Variants in TNKS2 observed in about 807,000 individuals in gnomAD.
The protein encoded by TNKS2 is poly [ADP-ribose] polymerase tankyrase-2.
A neutral mutation model predicts 137.6 loss-of-function variants in TNKS2; 72 were observed. The ratio of observed to expected loss-of-function variants is 0.52; its 90% CI spans 0.43 to 0.64. TNKS2 has a LOEUF of 0.64. Among genes scored for constraint, TNKS2 ranks in the 30% least tolerant of loss-of-function variants. The pLI is 0.00. For missense variants in TNKS2, 1,049 were observed against 1,410.2 expected, an observed-to-expected ratio of 0.74 and a Z score of 4.10; for synonymous variants, 516 against 512.1, an observed-to-expected ratio of 1.01 and a Z score of -0.10.
In TNKS2 at chr10:91,842,072, T is replaced by G. The variant is rs558905758; in HGVS notation, c.1840-100T>G. Reference sequence around the variant, plus strand: ...CTTCAAAGTAGAGTCTCAATATAAATTTAGTTTTTCTTTGGTATAGTTAAC... The same window carrying G: ...CTTCAAAGTAGAGTCTCAATATAAAGTTAGTTTTTCTTTGGTATAGTTAAC... On this transcript the variant is annotated intron_variant, in intron 15 of 26. Transcript: ENST00000371627. 4.2e-5 allele frequency: 27 copies of G among 646,960 alleles called. No individual in the cohort carries two copies. In the African/African-American group the frequency reaches 4.4e-4, roughly 11 times the overall value. The allele number at this position is 646,960 out of a possible 1,614,324, so 40.1% of individuals were successfully genotyped here. A position where few individuals can be genotyped will look rare whatever the true frequency, so the allele number is the denominator to read the frequency against.
rs1326846244 is a variant in TNKS2, at chr10:91,845,000, T to C, written c.2141T>C (p.Ile714Thr). The C allele has an allele frequency of 2.5e-6, 4 of 1,611,770 alleles. No homozygotes were observed. Among genetic ancestry groups the C allele is most frequent in the Non-Finnish European group, 1.7e-6 (2 of 1,178,186 alleles). ...DVNAQDKGGL[I>T]PLHNAASYGH... ...AATGCCCAAGACAAAGGAGGACTTA[T>C]TCCTTTACATAATGCAGCATCTTAC... The change falls in exon 17 of 27, where the codon ATT becomes ACT. Residue 714 changes from isoleucine (I) to threonine (T), a missense_variant. Coordinates refer to ENST00000371627, the MANE Select transcript of TNKS2 (RefSeq NM_025235.4).
intron 2 of TNKS2, among the ~76,000 whole-genome samples, chr10:91,814,986 C>G (rs943708577): frequency 3.3e-5 from 5 of 152,098 alleles, no homozygotes; most frequent in Admixed American, 6.5e-5. Context: ...AATGATGCTA[C>G]TGAATTATAG....
At chr10:91,833,802 G>A (rs1841899012) in intron 11 of TNKS2, 51 bp from the exon 12 acceptor site, 2 of 1,436,538 alleles carry the variant, frequency 1.4e-6, no homozygotes, top group African/African-American at 1.4e-5. Flanking sequence ...TGATTGTATG[G>A]TTTTAAATTT....
rs183087554 is a variant in TNKS2, at chr10:91,836,696, A to C, written c.1448-223A>C. The C allele has an allele frequency of 8.9e-4, 879 of 985,260 alleles. 2 individuals carry two copies. In the Middle Eastern group the frequency reaches 0.013, roughly 14 times the overall value. The allele number at this position is 985,260 out of a possible 1,614,324, so 61.0% of individuals were successfully genotyped here. ...TTACATCACATTTTATAATCATTAT[A>C]CACATTTACATATTTTGCTTATATG... On this transcript the variant is annotated intron_variant, in intron 12 of 26. Transcript: ENST00000371627.
In TNKS2 at chr10:91,840,727, T is replaced by C. The variant is rs368738983; in HGVS notation, c.1673+21T>C. The C allele has an allele frequency of 5.6e-6, 9 of 1,600,506 alleles. No homozygotes were observed. In the African/African-American group the frequency reaches 1.2e-4, roughly 21 times the overall value. Reference sequence around the variant, plus strand: ...AAAGGGTAAATGCCAATGATTGTTATGGACTCTCTTCCTTACTTTTACTTG... The same window carrying C: ...AAAGGGTAAATGCCAATGATTGTTACGGACTCTCTTCCTTACTTTTACTTG... On this transcript the variant is annotated intron_variant, in intron 14 of 26. Transcript: ENST00000371627.
chr10:91,810,338 A>G (rs905811619), intron 1 of TNKS2, among the ~76,000 whole-genome samples: 1 of 151,740 alleles, frequency 6.6e-6, no homozygotes, highest in African/African-American at 2.4e-5. Flanking sequence ...AGATCACGCC[A>G]TTGCACTCCA....
chr10:91,806,691 A>G (rs1844335109), intron 1 of TNKS2, among the ~76,000 whole-genome samples: 1 of 152,236 alleles, frequency 6.6e-6, no homozygotes, highest in Non-Finnish European at 1.5e-5. Context: ...CACAGTATGT[A>G]TAACAATGCA....
At chr10:91,799,832 A>G (rs1339321156) in intron 1 of TNKS2, among the ~76,000 whole-genome samples, 2 of 152,326 alleles carry the variant, frequency 1.3e-5, no homozygotes, top group East Asian at 3.9e-4. Flanking sequence ...CTTACCTCTG[A>G]CAATCCTGGT....
chr10:91,833,792 TGA>T, intron 11 of TNKS2, 59 bp from the exon 12 acceptor site: 1 of 1,340,856 alleles, frequency 7.5e-7, no homozygotes, highest in Non-Finnish European at 1.0e-6. Flanking sequence ...GTTAAATACA[TGA>T]TTGTATGGTT....
chr10:91,812,887 A>G (rs1844553258), intron 1 of TNKS2, 96 bp from the exon 2 acceptor site: 2 of 1,499,312 alleles, frequency 1.3e-6, no homozygotes, highest in South Asian at 1.4e-5. Flanking sequence ...TCTGTTATTA[A>G]TTTTCAACCT....
intron 20 of TNKS2, 88 bp downstream of exon 20, chr10:91,849,682 T>A: frequency 9.9e-7 from 1 of 1,005,924 alleles, no homozygotes; most frequent in Non-Finnish European, 1.5e-6. Context: ...CTGAACCATG[T>A]AAGCTATTGG....
rs1841903240 is a variant in TNKS2 at position 91,833,879 on chromosome 10, G to T, written c.1302G>T (p.Gln434His). The T allele has an allele frequency of 6.2e-7, 1 of 1,603,824 alleles. No individual in the cohort carries two copies. The highest frequency in any genetic ancestry group is 1.1e-5 in the South Asian group (1 of 88,368). The change falls in exon 12 of 27, where the codon CAG becomes CAT. Residue 434 changes from glutamine to histidine, a missense_variant. Around this residue, in one of 6 missense-constraint regions of TNKS2, gnomAD observed 328 missense variants for 436.0 expected, o/e 0.75. Coordinates refer to ENST00000371627, the MANE Select transcript of TNKS2 (RefSeq NM_025235.4). ...AKVNALDNLG[Q>H]TSLHRAAYCG... ...TTAATGCTCTGGATAATCTTGGTCA[G>T]ACTTCTCTACACAGAGCTGCATATT... is the stretch of plus-strand genomic sequence containing the variant.
chr10:91,845,827 T>G lies in TNKS2; in HGVS notation c.2245T>G (p.Leu749Val). The change falls in exon 18 of 27, where the codon TTG becomes GTG. Residue 749 changes from leucine to valine, a missense_variant. Leu to Val is a conservative substitution (Grantham distance 32). Transcript: ENST00000371627. The part of the protein sequence containing the change: ...NATDKWAFTP[L>V]HEAAQKGRTQ... ...CACGGACAAATGGGCTTTCACACCT[T>G]TGCACGAAGCAGCCCAAAAGGGACG... 1 of 1,609,662 alleles carries G rather than the reference T, an allele frequency of 6.2e-7. No homozygotes were observed. The highest frequency in any genetic ancestry group is 8.5e-7 in the Non-Finnish European group (1 of 1,176,606).
At chr10:91,836,760 C>A (rs1174022073) in intron 12 of TNKS2, 159 bp from the exon 13 acceptor site, 6 of 985,202 alleles carry the variant, frequency 6.1e-6, no homozygotes, top group African/African-American at 3.5e-5. Context: ...TCTTATTTTT[C>A]ACTCCCCAAC....
intron 7 of TNKS2, among the ~76,000 whole-genome samples, chr10:91,826,704 A>G (rs1313474529): frequency 6.6e-6 from 1 of 152,186 alleles, no homozygotes; most frequent in Non-Finnish European, 1.5e-5. Context: ...TCAAAGTTGT[A>G]TGTTTCACTG....
chr10:91,809,462 C>G (rs562889319), intron 1 of TNKS2, among the ~76,000 whole-genome samples: 153 of 151,772 alleles, frequency 1.0e-3, no homozygotes, highest in African/African-American at 3.4e-3. Flanking sequence ...GTCAGGAGAT[C>G]GAGACCATCT....
Position 91,856,794 on chromosome 10 carries a change from A to G in TNKS2, c.2989-631A>G, listed in dbSNP as rs573482588. 4.6e-5 allele frequency among the ~76,000 whole-genome samples: 7 copies of G among 152,282 alleles called. No homozygotes were observed. In the South Asian group the frequency reaches 1.4e-3, roughly 32 times the overall value. On this transcript the variant is annotated intron_variant, in intron 23 of 26. Transcript: ENST00000371627. ...TTGCATTATTTGAGCCAAGACTAAA[A>G]CCATCAGCTTCCAGGTGTGCTCTAG...
intron 1 of TNKS2, among the ~76,000 whole-genome samples, chr10:91,800,173 A>G (rs1016782108): frequency 2.6e-5 from 4 of 152,210 alleles, no homozygotes; most frequent in Non-Finnish European, 5.9e-5. Flanking sequence ...TTTGTGGGCA[A>G]TGGAAAGAGA....
intron 19 of TNKS2, 43 bp from the exon 20 acceptor site, chr10:91,849,469 C>G (rs1471996098): frequency 1.3e-5 from 19 of 1,461,426 alleles, no homozygotes; most frequent in Non-Finnish European, 1.7e-5. Context: ...ATACATTATT[C>G]TGATGTGAAA....
Sources: gnomAD v4.1 joint callset for allele counts (sites outside exome capture counted in the v4.1 genomes callset) on GRCh38, gnomAD v4.1.1 for gene constraint, gnomAD v4.1.1 regional missense constraint, MANE v1.5 for transcripts, NCBI Gene and HGNC (gene_info 2026-07-23, HGNC 2026-07-21) for gene names.